The following RRM2 variants were observed in gnomAD, a reference collection of about 807,000 sequenced individuals.
The protein encoded by RRM2 is ribonucleoside-diphosphate reductase subunit M2.
RRM2 carries 6 observed loss-of-function variants against 45.9 expected under a neutral mutation model. The ratio of observed to expected loss-of-function variants is 0.13; its 90% CI spans 0.07 to 0.26. The LOEUF (loss-of-function observed/expected upper bound fraction) is 0.26, where lower values mean the gene tolerates loss of function less well. RRM2 is among the 10% of genes least tolerant of loss of function. RRM2 has a pLI of 1.00. For missense variants in RRM2, 343 were observed against 489.5 expected, an observed-to-expected ratio of 0.70 and a Z score of 2.82; for synonymous variants, 177 against 173.0, an observed-to-expected ratio of 1.02 and a Z score of -0.18.
intron 3 of RRM2, among the ~76,000 whole-genome samples, chr2:10,177,114 T>G (rs888178855): frequency 2.0e-5 from 3 of 152,050 alleles, no homozygotes; most frequent in Non-Finnish European, 2.9e-5. Context: ...GGCGTGATGG[T>G]GGGCATCTGT....
chr2:10,123,600 G>A, intron 3 of RRM2, 70 bp downstream of exon 3: 4 of 1,558,500 alleles, frequency 2.6e-6, no homozygotes, highest in Non-Finnish European at 3.5e-6. Flanking sequence ...GCACTTGGAG[G>A]TTCCCGTTGG....
chr2:10,146,209 G>A (rs755995659), intron 3 of RRM2: 5 of 152,260 alleles, frequency 3.3e-5, no homozygotes, highest in Admixed American at 1.3e-4. Context: ...CACACAGCCA[G>A]TGAGAGGCAG....
chr2:10,184,091 TAAA>T (rs60421650), intron 3 of RRM2, among the ~76,000 whole-genome samples: 13 of 30,684 alleles, frequency 4.2e-4, no homozygotes, highest in Non-Finnish European at 5.4e-4. Flanking sequence ...AGACTCCATC[TAAA>T]AAAAAAAAAA....
intron 3 of RRM2, among the ~76,000 whole-genome samples, chr2:10,174,357 T>C (rs1363284433): frequency 4.6e-5 from 7 of 152,172 alleles, no homozygotes; most frequent in Non-Finnish European, 1.0e-4. Context: ...GGCCCTGCTG[T>C]CAGCAGAGGG....
At chr2:10,206,403 A>G (rs1664666565) in intron 3 of RRM2, among the ~76,000 whole-genome samples, 1 of 152,250 alleles carries the variant, frequency 6.6e-6, no homozygotes, top group Admixed American at 6.5e-5. Context: ...TAAAAATATA[A>G]GCCACCTAAA....
intron 3 of RRM2, among the ~76,000 whole-genome samples, chr2:10,192,085 G>A (rs768846925): frequency 2.3e-4 from 35 of 151,234 alleles, no homozygotes; most frequent in Non-Finnish European, 3.5e-4. Context: ...CAGGGTGGGC[G>A]GGGGCTGGAG....
intron 3 of RRM2, among the ~76,000 whole-genome samples, chr2:10,179,526 T>C (rs935306257): frequency 3.3e-5 from 5 of 152,180 alleles, no homozygotes; most frequent in Non-Finnish European, 1.5e-5. Flanking sequence ...TGGAGACTAG[T>C]GTATAGATTC....
At chr2:10,167,691 T>A (rs1663711815) in intron 3 of RRM2, among the ~76,000 whole-genome samples, 1 of 152,146 alleles carries the variant, frequency 6.6e-6, no homozygotes, top group South Asian at 2.1e-4. Flanking sequence ...AGGGCCGATG[T>A]CCCCAGCCTG....
chr2:10,156,557 G>A (rs181852519), intron 3 of RRM2, among the ~76,000 whole-genome samples: 2 of 152,354 alleles, frequency 1.3e-5, no homozygotes, highest in Non-Finnish European at 1.5e-5. Flanking sequence ...CAGAAAGAGA[G>A]AACAGAGGTG....
rs374960248 is a variant in RRM2, at chr2:10,141,866, C to G, written n.273C>G. The G allele has an allele frequency of 3.6e-5, 56 of 1,561,616 alleles. No individual in the cohort carries two copies. The East Asian group carries it at 4.1e-4, about 11-fold the overall frequency. On this transcript the variant is annotated non_coding_transcript_exon_variant, in exon 2 of 4. Coordinates refer to the RRM2 transcript ENST00000381786. The stretch of plus-strand genomic sequence containing the variant: ...TGCACTGCTGCAGGTGCTGGGAGAC[C>G]GTGAAGTGCAAAGCAGATGGAGTCC...
rs945831699 is a variant in RRM2 at position 10,195,447 on chromosome 2, G to A, written n.483-14864G>A. Among the ~76,000 whole-genome samples, 4 of 152,204 alleles carry A rather than the reference G, an allele frequency of 2.6e-5. No homozygotes were observed. The highest frequency in any genetic ancestry group is 2.9e-5 in the Non-Finnish European group (2 of 68,034). On this transcript the variant is annotated intron_variant and non_coding_transcript_variant, in intron 3 of 3. Coordinates refer to the RRM2 transcript ENST00000381786. The surrounding 1 kb of genome is among the most constrained non-coding windows in gnomAD (Gnocchi z 4.9). ...CGCCGTGATGGGTCCCTGAAGCACC[G>A]GAGCCAGCAGCAGGAGCATGCGGGG...
At chr2:10,125,370 G>T (rs961343022) in intron 5 of RRM2, among the ~76,000 whole-genome samples, 1 of 152,150 alleles carries the variant, frequency 6.6e-6, no homozygotes, top group Non-Finnish European at 1.5e-5. Context: ...GATTGGAGGT[G>T]GGGGGATTAG....
upstream of RRM2, among the ~76,000 whole-genome samples, chr2:10,140,971 C>A (rs1384545455): frequency 4.6e-5 from 7 of 152,130 alleles, no homozygotes; most frequent in Non-Finnish European, 1.5e-5. Context: ...GGAGGAGGTG[C>A]CCCGGGCATG....
intron 3 of RRM2, among the ~76,000 whole-genome samples, chr2:10,156,870 C>T (rs1472935979): frequency 1.3e-5 from 2 of 152,162 alleles, no homozygotes; most frequent in African/African-American, 4.8e-5. Flanking sequence ...AACAACCAGG[C>T]TCGAGTGATC....
At chr2:10,179,134 A>G (rs2125324985) in intron 3 of RRM2, among the ~76,000 whole-genome samples, 1 of 152,146 alleles carries the variant, frequency 6.6e-6, no homozygotes, top group African/African-American at 2.4e-5. Flanking sequence ...ATACCGCAGT[A>G]TGTCTGGCAT....
chr2:10,177,700 TTC>T (rs1491526932), intron 3 of RRM2, among the ~76,000 whole-genome samples: 4 of 149,278 alleles, frequency 2.7e-5, no homozygotes, highest in African/African-American at 2.5e-5. Context: ...CCTTCCTTCC[TTC>T]CTTCCTCTCT....
chr2:10,161,452 C>G (rs1287572196), intron 3 of RRM2, among the ~76,000 whole-genome samples: 1 of 152,228 alleles, frequency 6.6e-6, no homozygotes, highest in Non-Finnish European at 1.5e-5. Flanking sequence ...CACCCGCGTG[C>G]ACGAGGGGCA....
intron 3 of RRM2, among the ~76,000 whole-genome samples, chr2:10,165,879 G>C (rs6754570): frequency 0.026 from 3,974 of 152,318 alleles, 175 homozygotes; most frequent in African/African-American, 0.09. Context: ...TGGTGACTCC[G>C]TACAGTGCTT....
At position 10,141,767 on chromosome 2, in the gene RRM2, G is replaced by A. The variant is rs540576877; in HGVS notation, n.261-87G>A. On this transcript the variant is annotated intron_variant and non_coding_transcript_variant, in intron 1 of 3. Transcript: ENST00000381786. The stretch of plus-strand genomic sequence containing the variant: ...AGCACGGGAAACAGAGCCCCAGGAG[G>A]TGGCCATGGCCTGGGGCTGGGGCTG... 14 of 1,371,542 alleles carry A rather than the reference G, an allele frequency of 1.0e-5. No homozygotes were observed. The African/African-American group carries it at 1.6e-4, about 15-fold the overall frequency. 85.0% of individuals were successfully genotyped at this position (1,371,542 alleles called of 1,614,324 possible).
Sources: allele counts gnomAD v4.1 joint callset (sites outside exome capture counted in the v4.1 genomes callset), GRCh38; gene constraint gnomAD v4.1.1; non-coding constraint Gnocchi (gnomAD v3.1); transcripts MANE v1.5; gene names NCBI Gene and HGNC (gene_info 2026-07-23, HGNC 2026-07-21).